Variants in ATP8A2 observed in about 807,000 individuals in gnomAD.
ATP8A2 encodes the protein phospholipid-transporting ATPase IB.
A neutral mutation model predicts 165.6 loss-of-function variants in ATP8A2; 100 were observed. The ratio of observed to expected loss-of-function variants is 0.60; its 90% CI spans 0.51 to 0.71. The LOEUF is 0.71. ATP8A2 is among the 30% of genes least tolerant of loss of function. The pLI, the probability that ATP8A2 is intolerant of heterozygous loss-of-function variation, is 0.00. For missense variants in ATP8A2, 1,227 were observed against 1,479.5 expected, an observed-to-expected ratio of 0.83 and a Z score of 2.80; for synonymous variants, 543 against 548.8, an observed-to-expected ratio of 0.99 and a Z score of 0.15.
At chr13:25,410,875 C>T (rs1354587395) in intron 1 of ATP8A2, among the ~76,000 whole-genome samples, 2 of 152,202 alleles carry the variant, frequency 1.3e-5, no homozygotes, top group Non-Finnish European at 2.9e-5. Context: ...AGGCCTGCAG[C>T]CTGCTTCCAA....
intron 35 of ATP8A2, among the ~76,000 whole-genome samples, chr13:25,970,443 G>A (rs146672550): frequency 1.8e-4 from 27 of 152,366 alleles, no homozygotes; most frequent in African/African-American, 6.3e-4. Flanking sequence ...TGGGCAGAGG[G>A]AGTGGCACAT....
At chr13:25,685,697 C>A (rs992835344) in intron 24 of ATP8A2, among the ~76,000 whole-genome samples, 1 of 152,170 alleles carries the variant, frequency 6.6e-6, no homozygotes, top group African/African-American at 2.4e-5. Flanking sequence ...AAGCAGAAAG[C>A]TAGTTGGGGC....
At chr13:25,904,422 C>T (rs912887759) in intron 33 of ATP8A2, among the ~76,000 whole-genome samples, 1 of 152,196 alleles carries the variant, frequency 6.6e-6, no homozygotes, top group African/African-American at 2.4e-5. Flanking sequence ...GAATCATGCC[C>T]AGACTCAAAG....
chr13:25,688,175 G>A (rs1289237394), intron 24 of ATP8A2, among the ~76,000 whole-genome samples: 1 of 152,114 alleles, frequency 6.6e-6, no homozygotes, highest in East Asian at 1.9e-4. Context: ...GGGCCTCTAG[G>A]ATCCTGTGCA....
chr13:25,797,472 A>C (rs892450868), intron 27 of ATP8A2, among the ~76,000 whole-genome samples: 2 of 152,152 alleles, frequency 1.3e-5, no homozygotes, highest in African/African-American at 4.8e-5. Context: ...TAAAATAATA[A>C]TTTACATTTT....
intron 33 of ATP8A2, among the ~76,000 whole-genome samples, chr13:25,882,938 A>ATGG (rs555314174): frequency 9.5e-5 from 14 of 146,600 alleles, no homozygotes; most frequent in Non-Finnish European, 1.8e-4. Context: ...GATGATGATG[A>ATGG]TGGTGATGGT....
chr13:25,635,960 G>A (rs1298304382), intron 24 of ATP8A2, among the ~76,000 whole-genome samples: 1 of 152,100 alleles, frequency 6.6e-6, no homozygotes, highest in Non-Finnish European at 1.5e-5. Flanking sequence ...TGTTCTGCGG[G>A]GATTCACTAA....
chr13:25,659,344 C>T (rs184564742), intron 24 of ATP8A2, among the ~76,000 whole-genome samples: 9 of 152,322 alleles, frequency 5.9e-5, no homozygotes, highest in Admixed American at 2.0e-4. Flanking sequence ...ACTCTGCGAT[C>T]GAGTTTCATT....
intron 24 of ATP8A2, among the ~76,000 whole-genome samples, chr13:25,685,677 A>G (rs1049899878): frequency 5.3e-5 from 8 of 152,194 alleles, no homozygotes; most frequent in African/African-American, 1.9e-4. Context: ...AGGTCAGCCT[A>G]TTAGAAGAAA....
At chr13:25,823,935 A>G (rs1951243225) in intron 27 of ATP8A2, among the ~76,000 whole-genome samples, 1 of 152,066 alleles carries the variant, frequency 6.6e-6, no homozygotes, top group South Asian at 2.1e-4. Flanking sequence ...TTGTGTTCTC[A>G]AGCTTTACTA....
chr13:25,712,791 G>T (rs1426238925), intron 25 of ATP8A2, among the ~76,000 whole-genome samples: 1 of 152,156 alleles, frequency 6.6e-6, no homozygotes, highest in African/African-American at 2.4e-5. Flanking sequence ...ATGTTAAAAG[G>T]GTCGGAAAGT....
At position 25,648,404 on chromosome 13, in the gene ATP8A2, G is replaced by A. The variant is rs909204867; in HGVS notation, c.2212-50769G>A. Among the ~76,000 whole-genome samples, 17 of 152,210 alleles carry A rather than the reference G, an allele frequency of 1.1e-4. No individual in the cohort carries two copies. In the South Asian group the frequency reaches 1.5e-3, roughly 13 times the overall value. Reference sequence around the variant, plus strand: ...GAGTAGGCTGGGTGTGGTGACTCACGCCAGTAATTCTAGAACTTTGGGAGG... The same window carrying A: ...GAGTAGGCTGGGTGTGGTGACTCACACCAGTAATTCTAGAACTTTGGGAGG... On this transcript the variant is annotated intron_variant, in intron 24 of 36. Transcript: ENST00000381655.
At chr13:25,675,632 A>T (rs1413172353) in intron 24 of ATP8A2, among the ~76,000 whole-genome samples, 21 of 152,238 alleles carry the variant, frequency 1.4e-4, no homozygotes, top group Admixed American at 1.4e-3. Context: ...AAGTAGCAAG[A>T]CAAGAATATC....
At chr13:25,991,911 G>GTTT (rs796888984) in intron 35 of ATP8A2, among the ~76,000 whole-genome samples, 7 of 142,186 alleles carry the variant, frequency 4.9e-5, no homozygotes, top group African/African-American at 7.8e-5. Context: ...TTACTTTTAG[G>GTTT]TTTTTTTTTT....
At chr13:25,417,177 C>A (rs2034156300) in intron 1 of ATP8A2, among the ~76,000 whole-genome samples, 1 of 152,120 alleles carries the variant, frequency 6.6e-6, no homozygotes, top group African/African-American at 2.4e-5. Context: ...CCCATTAATT[C>A]TTGGCCATTT....
At chr13:25,882,950 A>G (rs920692964) in intron 33 of ATP8A2, among the ~76,000 whole-genome samples, 4 of 150,962 alleles carry the variant, frequency 2.6e-5, no homozygotes, top group East Asian at 1.9e-4. Flanking sequence ...GGTGATGGTG[A>G]TGATGGTGAT....
chr13:25,968,399 G>A (rs148570681), intron 34 of ATP8A2, among the ~76,000 whole-genome samples, 176 bp from the exon 35 acceptor site: 442 of 152,218 alleles, frequency 2.9e-3, no homozygotes, highest in Middle Eastern at 0.01. Context: ...GGATACTTCC[G>A]GGCTGTGGAG....
chr13:25,683,546 G>A (rs1290175128), intron 24 of ATP8A2, among the ~76,000 whole-genome samples: 1 of 152,192 alleles, frequency 6.6e-6, no homozygotes, highest in Non-Finnish European at 1.5e-5. Flanking sequence ...CAACTGAAGT[G>A]CCAGGATGCC....
At chr13:25,933,358 A>G (rs1394432250) in intron 33 of ATP8A2, among the ~76,000 whole-genome samples, 1 of 152,360 alleles carries the variant, frequency 6.6e-6, no homozygotes, top group Admixed American at 6.5e-5. Context: ...TCTCTAAGCT[A>G]GACCGCTTCT....
Sources: allele counts gnomAD v4.1 joint callset (sites outside exome capture counted in the v4.1 genomes callset), GRCh38; gene constraint gnomAD v4.1.1; transcripts MANE v1.5; gene names NCBI Gene and HGNC (gene_info 2026-07-23, HGNC 2026-07-21).